The following MIPEP variants were observed in gnomAD, a reference collection of about 807,000 sequenced individuals.
MIPEP encodes the protein mitochondrial intermediate peptidase.
Under a neutral mutation model 90.3 loss-of-function variants are expected in MIPEP, and 79 were observed. That is an observed-to-expected ratio of 0.87 (90% CI 0.73 to 1.05). The LOEUF is 1.05. Among genes scored for constraint, MIPEP ranks in the 50% least tolerant of loss-of-function variants. The probability of loss-of-function intolerance (pLI) is 0.00; values close to 1 mark genes in which losing one functional copy is unlikely to be tolerated. For synonymous variants in MIPEP, 334 were observed against 315.8 expected (o/e 1.06, Z -0.61); for missense variants, 940 against 905.6 (o/e 1.04, Z -0.49).
chr13:23,742,140 C>G (rs1274625049), intron 18 of MIPEP, among the ~76,000 whole-genome samples: 1 of 152,248 alleles, frequency 6.6e-6, no homozygotes, highest in Non-Finnish European at 1.5e-5. Flanking sequence ...GGAACATTAT[C>G]TGGTTCCGCA....
At chr13:23,772,566 T>A (rs1565988403) in intron 16 of MIPEP, among the ~76,000 whole-genome samples, 2 of 152,240 alleles carry the variant, frequency 1.3e-5, no homozygotes, top group South Asian at 4.1e-4. Flanking sequence ...ATTTTATATA[T>A]AGAAGCTCTG....
At chr13:23,850,994 C>A (rs898748228) in intron 10 of MIPEP, among the ~76,000 whole-genome samples, 4 of 152,138 alleles carry the variant, frequency 2.6e-5, no homozygotes, top group Admixed American at 6.5e-5. Context: ...GAGATTTTCT[C>A]CCCCAGAGCC....
At chr13:23,851,559 C>A (rs1376199499) in intron 10 of MIPEP, among the ~76,000 whole-genome samples, 1 of 152,186 alleles carries the variant, frequency 6.6e-6, no homozygotes, top group Non-Finnish European at 1.5e-5. Context: ...TTGCTGGGAA[C>A]ACCACAGAGA....
intron 16 of MIPEP, among the ~76,000 whole-genome samples, chr13:23,764,321 A>G (rs1952573896): frequency 6.6e-6 from 1 of 152,200 alleles, no homozygotes; most frequent in Admixed American, 6.5e-5. Flanking sequence ...ACCCATGGAT[A>G]TGGTCACTTG....
At chr13:23,834,102 G>C (rs901938716) in intron 14 of MIPEP, among the ~76,000 whole-genome samples, 2 of 152,116 alleles carry the variant, frequency 1.3e-5, no homozygotes, top group African/African-American at 4.8e-5. Flanking sequence ...ACCCAGCAAG[G>C]GTGGGTGGAG....
intron 9 of MIPEP, among the ~76,000 whole-genome samples, chr13:23,859,790 G>A (rs1030111986): frequency 6.6e-6 from 1 of 152,208 alleles, no homozygotes; most frequent in African/African-American, 2.4e-5. Flanking sequence ...CTCAACAAAT[G>A]TTGGCTACTC....
At chr13:23,863,600 C>T (rs1262994883) in intron 8 of MIPEP, among the ~76,000 whole-genome samples, 5 of 151,964 alleles carry the variant, frequency 3.3e-5, no homozygotes, top group African/African-American at 1.2e-4. Context: ...ATTCCAAATT[C>T]CCCCCAAAAA....
At chr13:23,863,847 C>G (rs1870414421) in intron 8 of MIPEP, among the ~76,000 whole-genome samples, 2 of 152,070 alleles carry the variant, frequency 1.3e-5, no homozygotes, top group Admixed American at 6.6e-5. Context: ...ATTCATGGTA[C>G]AAGTTAAAAT....
intron 18 of MIPEP, among the ~76,000 whole-genome samples, chr13:23,754,495 C>A (rs1952472070): frequency 6.6e-6 from 1 of 152,154 alleles, no homozygotes; most frequent in Non-Finnish European, 1.5e-5. Flanking sequence ...ACTTCTTTTT[C>A]TCTCATATGT....
At chr13:23,834,433 C>T (rs1326095322) in intron 14 of MIPEP, among the ~76,000 whole-genome samples, 1 of 152,172 alleles carries the variant, frequency 6.6e-6, no homozygotes, top group African/African-American at 2.4e-5. Context: ...TGCCTTCGGG[C>T]GGTAACACCC....
At chr13:23,756,879 C>T in intron 17 of MIPEP, 1 of 456,202 alleles carries the variant, frequency 2.2e-6, no homozygotes, top group Non-Finnish European at 3.9e-6. Flanking sequence ...AGAGACCTCA[C>T]TTTATAAAAA....
intron 18 of MIPEP, among the ~76,000 whole-genome samples, chr13:23,747,834 G>A (rs1952400531): frequency 6.6e-6 from 1 of 152,000 alleles, no homozygotes; most frequent in African/African-American, 2.4e-5. Flanking sequence ...TCTGCCTCCC[G>A]GGTTCAAGTG....
chr13:23,843,348 C>T (rs1447701638), intron 10 of MIPEP, among the ~76,000 whole-genome samples: 1 of 152,062 alleles, frequency 6.6e-6, no homozygotes, highest in African/African-American at 2.4e-5. Flanking sequence ...AAACAGAGGG[C>T]CTGGTCCACT....
intron 16 of MIPEP, among the ~76,000 whole-genome samples, chr13:23,782,579 A>G (rs1231831051): frequency 6.6e-6 from 1 of 152,216 alleles, no homozygotes; most frequent in Non-Finnish European, 1.5e-5. Context: ...TTCAGAAGCT[A>G]GCAGAAGGCA....
intron 12 of MIPEP, 75 bp from the exon 13 acceptor site, chr13:23,837,831 T>C (rs1363744292): frequency 1.1e-5 from 13 of 1,200,552 alleles, no homozygotes; most frequent in Middle Eastern, 2.1e-4. Context: ...TTAATGAATA[T>C]AAAATTTCAC....
At chr13:23,876,113 T>C (rs1021898877) in intron 4 of MIPEP, among the ~76,000 whole-genome samples, 4 of 152,214 alleles carry the variant, frequency 2.6e-5, no homozygotes, top group African/African-American at 9.6e-5. Flanking sequence ...TCACAAAGTA[T>C]GCACATTGAT....
Position 23,886,451 on chromosome 13 carries a change from T to G in MIPEP, c.245A>C (p.Glu82Ala). ...SAPEGFHIAQ[E>A]KALRKTELLV... The stretch of plus-strand genomic sequence containing the variant: ...CAATTCTGTCTTTCTCAAGGCTTTT[T>G]CTTGTGCAATATGAAATCCTTCTGG... Residue 82 changes from glutamate (E) to alanine (A), a missense_variant, in exon 2 of 19, where the codon GAA (glutamate) becomes GCA (alanine). Coordinates refer to ENST00000382172, the MANE Select transcript of MIPEP (RefSeq NM_005932.4). 6.2e-7 allele frequency: 1 copy of G among 1,606,506 alleles called. No homozygotes were observed. The highest frequency in any genetic ancestry group is 8.5e-7 in the Non-Finnish European group (1 of 1,175,954).
chr13:23,868,262 C>T (rs1870626050), intron 7 of MIPEP, among the ~76,000 whole-genome samples: 2 of 152,084 alleles, frequency 1.3e-5, no homozygotes, highest in Admixed American at 1.3e-4. Context: ...GGAAGAAAAG[C>T]TGCTCTCCAT....
intron 9 of MIPEP, 95 bp downstream of exon 9, chr13:23,862,207 C>T: frequency 4.0e-6 from 3 of 755,818 alleles, no homozygotes; most frequent in East Asian, 2.7e-5. Context: ...CTAAATGGAC[C>T]TGTAGCCTAT....
Sources: gnomAD v4.1 joint callset for allele counts (sites outside exome capture counted in the v4.1 genomes callset) on GRCh38, gnomAD v4.1.1 for gene constraint, MANE v1.5 for transcripts, NCBI Gene and HGNC (gene_info 2026-07-23, HGNC 2026-07-21) for gene names.